ZCCHC7: variants seen among roughly 807,000 people sequenced by gnomAD.
ZCCHC7 encodes zinc finger CCHC-type containing 7.
Under a neutral mutation model 52.0 loss-of-function variants are expected in ZCCHC7, and 35 were observed. The ratio of observed to expected loss-of-function variants is 0.67; its 90% CI spans 0.51 to 0.89. ZCCHC7 has a LOEUF of 0.89. Among genes scored for constraint, ZCCHC7 ranks in the 40% least tolerant of loss-of-function variants. ZCCHC7 has a pLI of 0.00. For missense variants in ZCCHC7, 574 were observed against 649.1 expected (o/e 0.88, Z 1.26); for synonymous variants, 217 against 221.5 (o/e 0.98, Z 0.18).
Position 37,356,854 on chromosome 9 carries a change from T to C in ZCCHC7, c.1218T>C (p.Val406=). 6.3e-7 allele frequency: 1 copy of C among 1,586,814 alleles called. No homozygotes were observed. Among genetic ancestry groups the C allele is most frequent in the Non-Finnish European group, 8.5e-7 (1 of 1,172,402 alleles). The change falls in exon 9 of 9, where the codon GTT becomes GTC. Residue 406 remains valine, a synonymous_variant. Coordinates refer to ENST00000336755, the MANE Select transcript of ZCCHC7 (RefSeq NM_032226.3). ...QKIKVLKKNG[V]IPEPSKLPYI... ...TTTCAGTACTCAAGAAAAATGGGGT[T>C]ATCCCAGAGCCATCCAAGCTACCTT... is the stretch of plus-strand genomic sequence containing the variant.
At chr9:37,217,797 T>C (rs1033675228) in intron 2 of ZCCHC7, among the ~76,000 whole-genome samples, 9 of 152,176 alleles carry the variant, frequency 5.9e-5, no homozygotes, top group Non-Finnish European at 1.0e-4. Flanking sequence ...TCAGAGATTG[T>C]CAGGGTTATA....
intron 5 of ZCCHC7, among the ~76,000 whole-genome samples, chr9:37,315,903 A>G (rs1829795735): frequency 6.8e-6 from 1 of 147,930 alleles, no homozygotes; most frequent in African/African-American, 2.5e-5. Flanking sequence ...AGTAGTGGGT[A>G]GCAAGGGTGA....
At chr9:37,190,073 C>A (rs1822938923) in intron 2 of ZCCHC7, among the ~76,000 whole-genome samples, 1 of 152,188 alleles carries the variant, frequency 6.6e-6, no homozygotes, top group Non-Finnish European at 1.5e-5. Flanking sequence ...TTACTCTCTT[C>A]TGCTGCACAT....
intron 2 of ZCCHC7, among the ~76,000 whole-genome samples, chr9:37,260,725 A>G (rs1033346958): frequency 1.3e-5 from 2 of 152,178 alleles, no homozygotes; most frequent in Admixed American, 1.3e-4. Flanking sequence ...GCAGGTATTC[A>G]GTGAGTTTGT....
intron 2 of ZCCHC7, among the ~76,000 whole-genome samples, chr9:37,169,581 A>G (rs1401599633): frequency 2.0e-5 from 3 of 152,204 alleles, no homozygotes; most frequent in Non-Finnish European, 4.4e-5. Context: ...TTAGAATTTA[A>G]TAGTCTTCAG....
At chr9:37,261,226 C>T (rs924347591) in intron 2 of ZCCHC7, among the ~76,000 whole-genome samples, 3 of 152,048 alleles carry the variant, frequency 2.0e-5, no homozygotes, top group South Asian at 4.1e-4. Context: ...TTCTTTAAGA[C>T]GTCAACAGAT....
At chr9:37,132,656 T>C (rs1290345819) in intron 2 of ZCCHC7, among the ~76,000 whole-genome samples, 2 of 152,122 alleles carry the variant, frequency 1.3e-5, no homozygotes, top group Non-Finnish European at 2.9e-5. Flanking sequence ...TTCCCATGGA[T>C]ACCAAAATCT....
intron 2 of ZCCHC7, among the ~76,000 whole-genome samples, chr9:37,268,419 T>A (rs1187098836): frequency 6.1e-5 from 9 of 148,454 alleles, no homozygotes; most frequent in Non-Finnish European, 1.0e-4. Context: ...AAAAAAAAAA[T>A]AAGCAAAATT....
intron 1 of ZCCHC7, among the ~76,000 whole-genome samples, chr9:37,123,944 C>G: frequency 6.6e-6 from 1 of 151,994 alleles, no homozygotes; most frequent in Non-Finnish European, 1.5e-5. Flanking sequence ...TATATGATAC[C>G]CTTTAGAAGA....
intron 2 of ZCCHC7, among the ~76,000 whole-genome samples, chr9:37,196,964 AATT>A (rs925806988): frequency 2.6e-5 from 4 of 152,188 alleles, no homozygotes; most frequent in African/African-American, 4.8e-5. Context: ...TCATTATTAA[AATT>A]ATTATTAAAA....
intron 2 of ZCCHC7, among the ~76,000 whole-genome samples, chr9:37,141,214 A>G (rs771562692): frequency 6.6e-6 from 1 of 151,884 alleles, no homozygotes; most frequent in Non-Finnish European, 1.5e-5. Flanking sequence ...AAGAGTGCCC[A>G]TGCTTACATG....
In ZCCHC7 at chr9:37,280,721, C is replaced by A. The variant is rs187823205; in HGVS notation, c.611-21467C>A. On this transcript the variant is annotated intron_variant, in intron 2 of 8. Coordinates refer to ENST00000336755, the MANE Select transcript of ZCCHC7 (RefSeq NM_032226.3). ...TTACTGCTTGATTAGCTAATTGTTA[C>A]AGATGATTCTCTGATTTTCTCTCTG... is the stretch of plus-strand genomic sequence containing the variant. Among the ~76,000 whole-genome samples the A allele has an allele frequency of 1.8e-3, 279 of 152,020 alleles. 3 individuals are homozygous for A. In the South Asian group the frequency reaches 0.02, roughly 11 times the overall value.
At chr9:37,264,892 A>C (rs1827030331) in intron 2 of ZCCHC7, among the ~76,000 whole-genome samples, 1 of 152,224 alleles carries the variant, frequency 6.6e-6, no homozygotes, top group Middle Eastern at 3.2e-3. Flanking sequence ...GAAGTGTAAG[A>C]GCAGGCCCTT....
chr9:37,207,073 C>CTA (rs368505261), intron 2 of ZCCHC7, among the ~76,000 whole-genome samples: 193 of 152,208 alleles, frequency 1.3e-3, no homozygotes, highest in African/African-American at 4.4e-3. Flanking sequence ...CTACAGTGAG[C>CTA]TATGATCTTA....
At chr9:37,296,461 T>G (rs1467030483) in intron 2 of ZCCHC7, among the ~76,000 whole-genome samples, 1 of 152,198 alleles carries the variant, frequency 6.6e-6, no homozygotes, top group Non-Finnish European at 1.5e-5. Flanking sequence ...TTTAGAGCAT[T>G]GAAAGAATGC....
intron 2 of ZCCHC7, among the ~76,000 whole-genome samples, chr9:37,282,960 T>TGTGGG (rs1185406209): frequency 2.0e-5 from 2 of 99,902 alleles, no homozygotes; most frequent in African/African-American, 4.0e-5. Flanking sequence ...CAGATGGAGA[T>TGTGGG]GTGGGGTGGG....
chr9:37,307,958 T>C (rs1829408026), intron 5 of ZCCHC7, among the ~76,000 whole-genome samples: 1 of 152,182 alleles, frequency 6.6e-6, no homozygotes, highest in Non-Finnish European at 1.5e-5. Context: ...AAATTGCTCT[T>C]CTAAAAGATT....
intron 2 of ZCCHC7, among the ~76,000 whole-genome samples, chr9:37,225,623 G>A (rs1485857451): frequency 6.6e-6 from 1 of 152,132 alleles, no homozygotes; most frequent in Non-Finnish European, 1.5e-5. Context: ...AGGAAGAAAG[G>A]TTGGTTTAAC....
intron 2 of ZCCHC7, among the ~76,000 whole-genome samples, chr9:37,144,280 A>G (rs1293128407): frequency 6.6e-6 from 1 of 151,900 alleles, no homozygotes; most frequent in African/African-American, 2.4e-5. Flanking sequence ...ATTATTTTCA[A>G]TCACTAGTTA....
Sources: allele counts gnomAD v4.1 joint callset (sites outside exome capture counted in the v4.1 genomes callset), GRCh38; gene constraint gnomAD v4.1.1; transcripts MANE v1.5; gene names NCBI Gene and HGNC (gene_info 2026-07-23, HGNC 2026-07-21).